Variants in HS3ST4 observed in about 807,000 individuals in gnomAD.
The protein encoded by HS3ST4 is heparan sulfate glucosamine 3-O-sulfotransferase 4.
Under a neutral mutation model 29.2 loss-of-function variants are expected in HS3ST4, and 17 were observed. That is an observed-to-expected ratio of 0.58 (90% CI 0.40 to 0.87). The LOEUF (loss-of-function observed/expected upper bound fraction) is 0.87. Among genes scored for constraint, HS3ST4 ranks in the 40% least tolerant of loss-of-function variants. HS3ST4 has a pLI of 0.00. For synonymous variants in HS3ST4, 314 were observed against 285.7 expected (o/e 1.10, Z -1.00); for missense variants, 627 against 634.5 (o/e 0.99, Z 0.13).
intron 1 of HS3ST4, among the ~76,000 whole-genome samples, chr16:25,836,430 C>T (rs1967357115): frequency 6.6e-6 from 1 of 152,198 alleles, no homozygotes; most frequent in African/African-American, 2.4e-5. Flanking sequence ...AAAATGATGC[C>T]ACTGCTGATT....
chr16:25,802,890 T>A (rs1321676739), intron 1 of HS3ST4, among the ~76,000 whole-genome samples: 2 of 151,656 alleles, frequency 1.3e-5, no homozygotes, highest in Non-Finnish European at 2.9e-5. Flanking sequence ...TTGGATATTA[T>A]TGCCTTATAA....
At chr16:25,877,960 G>C (rs542118139) in intron 1 of HS3ST4, among the ~76,000 whole-genome samples, 29 of 152,218 alleles carry the variant, frequency 1.9e-4, no homozygotes, top group African/African-American at 6.7e-4. Flanking sequence ...AAAGCAGTCA[G>C]GTAAACAGGC....
At chr16:25,861,747 T>G (rs1384912670) in intron 1 of HS3ST4, among the ~76,000 whole-genome samples, 1 of 152,312 alleles carries the variant, frequency 6.6e-6, no homozygotes, top group Non-Finnish European at 1.5e-5. Context: ...TGTAATATAT[T>G]TCCTGCTTTT....
At chr16:26,130,407 A>G (rs1231263773) in intron 1 of HS3ST4, among the ~76,000 whole-genome samples, 1 of 152,166 alleles carries the variant, frequency 6.6e-6, no homozygotes, top group Non-Finnish European at 1.5e-5. Flanking sequence ...ACTTCCAGAG[A>G]CCATGTATTC....
At chr16:26,074,173 G>A (rs1898632666) in intron 1 of HS3ST4, among the ~76,000 whole-genome samples, 1 of 152,152 alleles carries the variant, frequency 6.6e-6, no homozygotes, top group Non-Finnish European at 1.5e-5. Flanking sequence ...CCCTCTGAGG[G>A]CAGGAAACCT....
chr16:25,714,227 TAAAG>T (rs1966436667), intron 1 of HS3ST4, among the ~76,000 whole-genome samples: 1 of 152,038 alleles, frequency 6.6e-6, no homozygotes, highest in Non-Finnish European at 1.5e-5. Context: ...GAAAATAAAA[TAAAG>T]ACTCTCTCCA....
intron 1 of HS3ST4, among the ~76,000 whole-genome samples, chr16:25,848,395 C>A (rs1967486792): frequency 6.6e-6 from 1 of 152,100 alleles, no homozygotes; most frequent in South Asian, 2.1e-4. Context: ...CCGCCTCAGC[C>A]TCCCAAAGTG....
At chr16:26,053,000 T>C (rs1898365375) in intron 1 of HS3ST4, among the ~76,000 whole-genome samples, 2 of 152,230 alleles carry the variant, frequency 1.3e-5, no homozygotes, top group Admixed American at 1.3e-4. Context: ...CCATGAAGTT[T>C]ATTGGAAAAA....
At chr16:26,069,569 T>A (rs1264511127) in intron 1 of HS3ST4, among the ~76,000 whole-genome samples, 1 of 151,414 alleles carries the variant, frequency 6.6e-6, no homozygotes, top group Non-Finnish European at 1.5e-5. Flanking sequence ...TATTTTTTTT[T>A]ATTATACTTT....
chr16:25,829,226 G>A (rs1335820012), intron 1 of HS3ST4, among the ~76,000 whole-genome samples: 1 of 152,178 alleles, frequency 6.6e-6, no homozygotes, highest in Non-Finnish European at 1.5e-5. Flanking sequence ...CCTAGAATAA[G>A]AATTTACTGT....
intron 1 of HS3ST4, among the ~76,000 whole-genome samples, chr16:26,058,465 G>A (rs1898437308): frequency 1.3e-5 from 2 of 152,202 alleles, no homozygotes; most frequent in Admixed American, 1.3e-4. Flanking sequence ...CTCCTTGGCT[G>A]AGAACACTGG....
At position 26,136,050 on chromosome 16, in the gene HS3ST4, C is replaced by CTATTTCTTT; in HGVS notation, c.1173_1174insTATTTCTTT (p.Thr391_Lys392insTyrPhePhe). ...AGAAGCATTTCTATTTCAACAAAAC[C>CTATTTCTTT]AAGGGGTTCCCTTGCCTAAAGAAGC... On this transcript the variant is annotated inframe_insertion, in exon 2 of 2. Coordinates refer to ENST00000331351, the MANE Select transcript of HS3ST4 (RefSeq NM_006040.3). The CTATTTCTTT allele has an allele frequency of 6.2e-7, 1 of 1,613,806 alleles. No individual in the cohort carries two copies. Among genetic ancestry groups the CTATTTCTTT allele is most frequent in the Non-Finnish European group, 8.5e-7 (1 of 1,179,838 alleles).
chr16:25,862,583 C>A (rs6497893), intron 1 of HS3ST4, among the ~76,000 whole-genome samples: 25,789 of 152,086 alleles, frequency 0.17, 2,335 homozygotes, highest in East Asian at 0.25. Context: ...TGCTGTGTGG[C>A]GAGGTCCCTA....
chr16:25,965,791 A>G (rs1003471448), intron 1 of HS3ST4, among the ~76,000 whole-genome samples: 1 of 152,236 alleles, frequency 6.6e-6, no homozygotes, highest in Non-Finnish European at 1.5e-5. Flanking sequence ...TGATTGCAAC[A>G]TTATGTCTTT....
intron 1 of HS3ST4, among the ~76,000 whole-genome samples, chr16:25,794,915 ACAC>A (rs1171676953): frequency 1.3e-5 from 2 of 148,398 alleles, no homozygotes; most frequent in African/African-American, 5.0e-5. Flanking sequence ...ACACACACAC[ACAC>A]ACACACACAC....
In HS3ST4 at chr16:25,767,315, G is replaced by C. The variant is rs180671704; in HGVS notation, c.734+74164G>C. 4.0e-4 allele frequency among the ~76,000 whole-genome samples: 61 copies of C among 152,154 alleles called. No homozygotes were observed. The East Asian group carries it at 6.6e-3, about 16-fold the overall frequency. ...TTGAGGAGTTTCCTCCTTTCTTCTT[G>C]GATTAGCCCAGGGACTACAGTGCAA... On this transcript the variant is annotated intron_variant, in intron 1 of 1. Transcript: ENST00000331351.
chr16:26,079,394 T>C lies in HS3ST4; in HGVS notation c.735-56218T>C, dbSNP rs143254106. Among the ~76,000 whole-genome samples the C allele has an allele frequency of 3.3e-3, 496 of 152,322 alleles. 5 individuals carry two copies. Among genetic ancestry groups the C allele is most frequent in the African/African-American group, 0.011 (474 of 41,578 alleles). The stretch of plus-strand genomic sequence containing the variant: ...AAGTAGTCAAGCTTGTATTCTTGAA[T>C]ACATTTAGGAGCAAATGCTGGCAGG... On this transcript the variant is annotated intron_variant, in intron 1 of 1. Coordinates refer to ENST00000331351, the MANE Select transcript of HS3ST4 (RefSeq NM_006040.3).
chr16:26,081,877 C>A (rs1288307149), intron 1 of HS3ST4, among the ~76,000 whole-genome samples: 2 of 142,888 alleles, frequency 1.4e-5, no homozygotes, highest in African/African-American at 2.6e-5. Context: ...CTCACTGCAA[C>A]CTCTGCCTCA....
At chr16:25,861,031 A>G (rs746587436) in intron 1 of HS3ST4, among the ~76,000 whole-genome samples, 6 of 152,206 alleles carry the variant, frequency 3.9e-5, no homozygotes, top group Admixed American at 1.3e-4. Flanking sequence ...TAAAACTCCT[A>G]TAAAGAAAAG....
Sources: gnomAD v4.1 joint callset for allele counts (sites outside exome capture counted in the v4.1 genomes callset) on GRCh38, gnomAD v4.1.1 for gene constraint, MANE v1.5 for transcripts, NCBI Gene and HGNC (gene_info 2026-07-23, HGNC 2026-07-21) for gene names.